CRADD: variants seen among roughly 807,000 people sequenced by gnomAD.
CRADD encodes death domain-containing protein CRADD.
Under a neutral mutation model 15.5 loss-of-function variants are expected in CRADD, and 9 were observed. The observed-to-expected ratio is 0.58, with a 90% CI of 0.35 to 1.01. The LOEUF (loss-of-function observed/expected upper bound fraction) is 1.01. CRADD is among the 50% of genes least tolerant of loss of function. The pLI, the probability that CRADD is intolerant of heterozygous loss-of-function variation, is 0.02. For missense variants in CRADD, 227 were observed against 250.3 expected, an observed-to-expected ratio of 0.91 and a Z score of 0.63; for synonymous variants, 118 against 107.6, an observed-to-expected ratio of 1.10 and a Z score of -0.60.
chr12:93,863,661 T>C (rs905302447), intron 2 of CRADD, among the ~76,000 whole-genome samples: 1 of 145,736 alleles, frequency 6.9e-6, no homozygotes, highest in African/African-American at 2.5e-5. Context: ...TCATCATACA[T>C]TGGCGGGGGT....
At chr12:93,765,884 T>C (rs1177134990) in intron 2 of CRADD, among the ~76,000 whole-genome samples, 1 of 152,092 alleles carries the variant, frequency 6.6e-6, no homozygotes, top group Admixed American at 6.6e-5. Flanking sequence ...AAGACTGTCA[T>C]GTATGATTTT....
At chr12:93,752,843 G>A (rs1053848019) in intron 2 of CRADD, among the ~76,000 whole-genome samples, 2 of 152,144 alleles carry the variant, frequency 1.3e-5, no homozygotes, top group Non-Finnish European at 2.9e-5. Flanking sequence ...AGGTTTATTG[G>A]ACTTACAGTT....
chr12:93,857,266 T>C (rs1958282937), intron 2 of CRADD, among the ~76,000 whole-genome samples: 1 of 152,202 alleles, frequency 6.6e-6, no homozygotes, highest in African/African-American at 2.4e-5. Flanking sequence ...GGAGGAAATA[T>C]AAAACGGATT....
intron 2 of CRADD, among the ~76,000 whole-genome samples, chr12:93,838,810 G>A (rs1958013323): frequency 6.6e-6 from 1 of 151,304 alleles, no homozygotes; most frequent in Non-Finnish European, 1.5e-5. Flanking sequence ...GCTGAAGTTC[G>A]ATCAGTGACA....
chr12:93,765,389 C>T (rs866221630), intron 2 of CRADD, among the ~76,000 whole-genome samples: 7 of 152,084 alleles, frequency 4.6e-5, no homozygotes, highest in East Asian at 1.9e-4. Context: ...CTTTAGAGTG[C>T]GGGATCCACG....
chr12:93,816,280 G>A (rs1240996939), intron 2 of CRADD, among the ~76,000 whole-genome samples: 4 of 152,006 alleles, frequency 2.6e-5, no homozygotes, highest in African/African-American at 7.2e-5. Context: ...GCAGTGGTGC[G>A]ATCTCAGCTC....
chr12:93,754,270 A>G (rs963837194), intron 2 of CRADD, among the ~76,000 whole-genome samples: 4 of 152,152 alleles, frequency 2.6e-5, no homozygotes, highest in Non-Finnish European at 4.4e-5. Context: ...CCATGAAACC[A>G]TTTTTTCCTG....
intron 2 of CRADD, among the ~76,000 whole-genome samples, chr12:93,841,067 A>T (rs958030778): frequency 1.3e-5 from 2 of 152,018 alleles, no homozygotes; most frequent in Non-Finnish European, 2.9e-5. Context: ...ACTTTATCAA[A>T]TTTTTTTCTG....
chr12:93,780,384 G>T (rs537925666), intron 2 of CRADD, among the ~76,000 whole-genome samples: 3 of 152,308 alleles, frequency 2.0e-5, no homozygotes, highest in Non-Finnish European at 4.4e-5. Context: ...TTACTGGCAG[G>T]CGTGCGCGGT....
chr12:93,714,034 C>T (rs1338373316), intron 2 of CRADD, among the ~76,000 whole-genome samples: 2 of 152,086 alleles, frequency 1.3e-5, no homozygotes, highest in Non-Finnish European at 2.9e-5. Flanking sequence ...GGCTCTCATT[C>T]GTAAAAGAGA....
At chr12:93,777,138 GGCAGGAAGACAGT>G (rs1957149036) in intron 2 of CRADD, among the ~76,000 whole-genome samples, 3 of 152,308 alleles carry the variant, frequency 2.0e-5, no homozygotes, top group Middle Eastern at 3.4e-3. Flanking sequence ...CTGTGGGTTG[GGCAGGAAGACAGT>G]GCCATAGCCA....
intron 2 of CRADD, among the ~76,000 whole-genome samples, chr12:93,826,104 C>T (rs1957820577): frequency 6.6e-6 from 1 of 152,144 alleles, no homozygotes; most frequent in African/African-American, 2.4e-5. Flanking sequence ...ACTTCTGAAG[C>T]CAGAGATATT....
rs141943961 is a variant in CRADD, at chr12:93,793,127, A to G, written c.299-56843A>G. Among the ~76,000 whole-genome samples the G allele has an allele frequency of 8.4e-3, 1,275 of 152,304 alleles. 24 individuals carry two copies. Among genetic ancestry groups the G allele is most frequent in the African/African-American group, 0.028 (1,184 of 41,574 alleles). Reference sequence around the variant, plus strand: ...AAAAACAAAAATAGAATTGCAAACCATAAGCAACTCAAGACGTGCACGGGG... The same window carrying G: ...AAAAACAAAAATAGAATTGCAAACCGTAAGCAACTCAAGACGTGCACGGGG... On this transcript the variant is annotated intron_variant, in intron 2 of 2. Transcript: ENST00000332896.
chr12:93,769,846 G>A (rs908495031), intron 2 of CRADD, among the ~76,000 whole-genome samples: 1 of 152,178 alleles, frequency 6.6e-6, no homozygotes, highest in Non-Finnish European at 1.5e-5. Context: ...CCATAGAACT[G>A]TCAGACATTT....
At position 93,889,371 on chromosome 12, in the gene CRADD, T is replaced by C. The variant is rs903534338; in HGVS notation, c.299-4679T>C. Reference sequence around the variant, plus strand: ...GCCCAGCTCAGGTTCCTCCAGGTGCTCTTCTGACCACACTGTAATTCCTCT... The same window carrying C: ...GCCCAGCTCAGGTTCCTCCAGGTGCCCTTCTGACCACACTGTAATTCCTCT... On this transcript the variant is annotated intron_variant, in intron 2 of 2. Transcript: ENST00000548483. Among the ~76,000 whole-genome samples, 3 of 152,246 alleles carry C rather than the reference T, an allele frequency of 2.0e-5. No individual in the cohort carries two copies. In the South Asian group the frequency reaches 6.2e-4, roughly 32 times the overall value.
intron 2 of CRADD, among the ~76,000 whole-genome samples, chr12:93,825,861 T>C (rs1215795020): frequency 6.6e-6 from 1 of 152,236 alleles, no homozygotes; most frequent in African/African-American, 2.4e-5. Context: ...CATGGCCTCC[T>C]CCTTCCATCT....
rs189556009 is a variant in CRADD at position 93,847,131 on chromosome 12, T to C, written c.299-2839T>C. Among the ~76,000 whole-genome samples the C allele has an allele frequency of 3.9e-5, 6 of 152,166 alleles. 1 individual carries two copies. The highest frequency in any genetic ancestry group is 3.9e-4 in the Admixed American group (6 of 15,292). On this transcript the variant is annotated intron_variant, in intron 2 of 2. Coordinates refer to ENST00000332896, the MANE Select transcript of CRADD (RefSeq NM_003805.5). The stretch of plus-strand genomic sequence containing the variant: ...AAAAAAGAAGGTTATGCCACATATC[T>C]GAAAGTGCAGATGTAGAATGGATAA...
chr12:93,784,079 A>G (rs1957244497), intron 2 of CRADD, among the ~76,000 whole-genome samples: 1 of 152,170 alleles, frequency 6.6e-6, no homozygotes, highest in Non-Finnish European at 1.5e-5. Context: ...AAACACCTGC[A>G]GTGCGGTACT....
intron 2 of CRADD, among the ~76,000 whole-genome samples, chr12:93,814,490 G>A (rs1957668946): frequency 6.6e-6 from 1 of 152,188 alleles, no homozygotes. Flanking sequence ...TATTTAATCT[G>A]CCTTCATCAC....
Sources: allele counts gnomAD v4.1 joint callset (sites outside exome capture counted in the v4.1 genomes callset), GRCh38; gene constraint gnomAD v4.1.1; transcripts MANE v1.5; gene names NCBI Gene and HGNC (gene_info 2026-07-23, HGNC 2026-07-21).